The following TMEM200C variants were observed in gnomAD, a reference collection of about 807,000 sequenced individuals.
TMEM200C encodes transmembrane protein 200C.
For missense variants in TMEM200C, 966 were observed against 699.9 expected (o/e 1.38, Z -4.29); for synonymous variants, 462 against 324.7 (o/e 1.42, Z -4.55).
chr18:5,886,576 G>C (rs757032991), exon 3 of TMEM200C: 1 of 152,090 alleles, frequency 6.6e-6, no homozygotes, highest in Non-Finnish European at 1.5e-5. Context: ...CCTAACTACT[G>C]AGTAGTAAAT....
chr18:5,891,141 G>T lies in TMEM200C; in HGVS notation c.923C>A (p.Ser308Tyr), dbSNP rs2095170408. 4.0e-6 allele frequency: 2 copies of T among 504,108 alleles called. No homozygotes were observed. The highest frequency in any genetic ancestry group is 3.6e-5 in the East Asian group (1 of 27,788). 31.2% of individuals were successfully genotyped at this position (504,108 alleles called of 1,614,324 possible). ...CGGGGGCTCCCGCGGACAGCGCGGG[G>T]AAGAGGCCAGGTCCGGCGGGGACGC... Residue 308 changes from serine (S) to tyrosine (Y), a missense_variant, in exon 3 of 3, where the codon TCC (serine) becomes TAC (tyrosine). By Grantham distance (144) the Ser-to-Tyr change is moderately radical (BLOSUM62 -2). Transcript: ENST00000581347. The surrounding 1 kb of genome is among the most constrained non-coding windows in gnomAD (Gnocchi z 4.7).
At chr18:5,883,914 T>C (rs1318176022) in exon 3 of TMEM200C, 1 of 152,150 alleles carries the variant, frequency 6.6e-6, no homozygotes, top group African/African-American at 2.4e-5. Context: ...CAATGTATAA[T>C]TCAGCAAAAA....
intron 2 of TMEM200C, among the ~76,000 whole-genome samples, chr18:5,894,725 C>T (rs969028455): frequency 6.6e-6 from 1 of 152,158 alleles, no homozygotes; most frequent in South Asian, 2.1e-4. Context: ...ACTGGCAGGG[C>T]GGCGACCCCC....
chr18:5,884,310 C>A (rs1352080259), exon 3 of TMEM200C: 2 of 152,134 alleles, frequency 1.3e-5, no homozygotes, highest in Non-Finnish European at 2.9e-5. Flanking sequence ...TTTGCTCATG[C>A]TGGCCCCACT....
chr18:5,891,580 A>G lies in TMEM200C; in HGVS notation c.484T>C (p.Ser162Pro). The G allele has an allele frequency of 6.2e-7, 1 of 1,613,792 alleles. No individual in the cohort carries two copies. The highest frequency in any genetic ancestry group is 8.5e-7 in the Non-Finnish European group (1 of 1,179,826). The change falls in exon 3 of 3, where the codon TCT (serine) becomes CCT (proline). Residue 162 changes from serine to proline, a missense_variant. By Grantham distance (74) the Ser-to-Pro change is moderately conservative. Transcript: ENST00000581347. This position sits in a 1 kb window ranked among gnomAD's most constrained non-coding sequence, Gnocchi z 4.7. The stretch of plus-strand genomic sequence containing the variant: ...GGCCCGAAGACCTTGAGCTTGTCAG[A>G]GTGCAGGTAGCCAGAGAAGATGCGG...
chr18:5,891,794 C>A lies in TMEM200C; in HGVS notation c.270G>T (p.Pro90=), dbSNP rs777352037. 4 of 1,605,404 alleles carry A rather than the reference C, an allele frequency of 2.5e-6. No individual in the cohort carries two copies. The highest frequency in any genetic ancestry group is 3.4e-6 in the Non-Finnish European group (4 of 1,177,302). ...GGACCCGGTGGCTGCTGCCCGCAGG[C>A]GGCAGCTGCTTACCCCCCTCCCGAT... The change falls in exon 3 of 3, where the codon CCG becomes CCT. Residue 90 remains proline (P), a synonymous_variant. Transcript: ENST00000581347. This position sits in a 1 kb window ranked among gnomAD's most constrained non-coding sequence, Gnocchi z 4.7.
At chr18:5,888,373 G>A (rs551829518) in exon 3 of TMEM200C, 2 of 152,270 alleles carry the variant, frequency 1.3e-5, no homozygotes, top group South Asian at 4.2e-4. Flanking sequence ...GAATAAATTA[G>A]GCCCTTTTAA....
exon 3 of TMEM200C, chr18:5,890,221 C>T: frequency 6.4e-7 from 1 of 1,561,070 alleles, no homozygotes; most frequent in Non-Finnish European, 8.7e-7. Flanking sequence ...CTTTCCAGTT[C>T]TTCTTCTACC....
At chr18:5,892,503 A>T (rs2095172302) in intron 2 of TMEM200C, among the ~76,000 whole-genome samples, 1 of 152,208 alleles carries the variant, frequency 6.6e-6, no homozygotes, top group Non-Finnish European at 1.5e-5. Context: ...TCCAACCATT[A>T]GTAAAACCTA....
At chr18:5,890,189 C>T (rs1485962831) in exon 3 of TMEM200C, 4 of 1,521,430 alleles carry the variant, frequency 2.6e-6, no homozygotes, top group Admixed American at 1.9e-5. Context: ...CCCCAACCCA[C>T]CCCTTTCTCT....
At chr18:5,895,144 G>T (rs1263347188) in exon 2 of TMEM200C, 1 of 152,100 alleles carries the variant, frequency 6.6e-6, no homozygotes, top group Non-Finnish European at 1.5e-5. Flanking sequence ...CAGCGCCCCG[G>T]GGCCCCGCAT....
exon 3 of TMEM200C, chr18:5,892,043 C>T (rs1328779031): frequency 6.2e-7 from 1 of 1,613,380 alleles, no homozygotes. Context: ...AAATCCTTAG[C>T]AGGCCGCCGG....
exon 3 of TMEM200C, chr18:5,890,285 C>A: frequency 3.1e-6 from 5 of 1,599,472 alleles, no homozygotes; most frequent in Non-Finnish European, 4.3e-6. Flanking sequence ...TTGTAAACTG[C>A]CTCTGCACCG....
At chr18:5,882,583 CAT>C (rs1158106872) in exon 3 of TMEM200C, 2 of 152,178 alleles carry the variant, frequency 1.3e-5, no homozygotes, top group African/African-American at 4.8e-5. Context: ...TTCAGTGGCA[CAT>C]GTTTCCAGAA....
exon 3 of TMEM200C, chr18:5,884,247 T>C (rs1279248160): frequency 6.6e-6 from 1 of 152,140 alleles, no homozygotes; most frequent in Non-Finnish European, 1.5e-5. Context: ...AATAATTAAA[T>C]ATCAATTACC....
exon 3 of TMEM200C, chr18:5,882,851 G>A (rs1245545752): frequency 3.3e-5 from 5 of 152,028 alleles, no homozygotes; most frequent in Non-Finnish European, 7.4e-5. Context: ...AATCAAATGA[G>A]CAAGCACTCA....
In TMEM200C at chr18:5,890,653, T is replaced by TGCG. The variant is rs1204875586; in HGVS notation, c.1408_1410dup (p.Arg470dup). On this transcript the variant is annotated inframe_insertion, in exon 3 of 3. Coordinates refer to ENST00000581347, the Ensembl canonical transcript of TMEM200C. ...CGGTAGTCCGGGAGCCCGCTGGTGC[T>TGCG]GCGGCGCCGCAAGGCCGCGTACCTG... 4.0e-5 allele frequency: 28 copies of TGCG among 696,054 alleles called. No homozygotes were observed. In the African/African-American group the frequency reaches 4.7e-4, roughly 12 times the overall value. 43.1% of individuals were successfully genotyped at this position (696,054 alleles called of 1,614,324 possible). A position where few individuals can be genotyped will look rare whatever the true frequency, so the allele number is the denominator to read the frequency against.
At chr18:5,886,567 C>T (rs1232359303) in exon 3 of TMEM200C, 1 of 152,122 alleles carries the variant, frequency 6.6e-6, no homozygotes, top group Non-Finnish European at 1.5e-5. Context: ...ATGGTTGTCC[C>T]TAACTACTGA....
At chr18:5,887,839 C>T (rs2095166550) in exon 3 of TMEM200C, 1 of 152,118 alleles carries the variant, frequency 6.6e-6, no homozygotes, top group African/African-American at 2.4e-5. Context: ...CAGGCTCCTC[C>T]CAAGATTTGG....
Sources: allele counts gnomAD v4.1 joint callset (sites outside exome capture counted in the v4.1 genomes callset), GRCh38; gene constraint gnomAD v4.1.1; non-coding constraint Gnocchi (gnomAD v3.1); transcripts MANE v1.5; gene names NCBI Gene and HGNC (gene_info 2026-07-23, HGNC 2026-07-21).